GPC6: variants seen among roughly 807,000 people sequenced by gnomAD.
GPC6 encodes glypican 6, also known as glypican-6.
In GPC6, 14 loss-of-function variants were observed where a neutral mutation model predicts 55.2. That is an observed-to-expected ratio of 0.25 (90% confidence interval 0.17 to 0.40). The LOEUF (loss-of-function observed/expected upper bound fraction) is 0.40. Among genes scored for constraint, GPC6 ranks in the 10% least tolerant of loss-of-function variants. The probability of loss-of-function intolerance (pLI) is 1.00; values close to 1 mark genes in which losing one functional copy is unlikely to be tolerated. For missense variants in GPC6, 641 were observed against 708.5 expected, an observed-to-expected ratio of 0.90 and a Z score of 1.08; for synonymous variants, 278 against 259.6, an observed-to-expected ratio of 1.07 and a Z score of -0.68.
At chr13:93,363,231 C>G (rs572173988) in intron 1 of GPC6, among the ~76,000 whole-genome samples, 1 of 151,212 alleles carries the variant, frequency 6.6e-6, no homozygotes, top group African/African-American at 2.4e-5. Context: ...TGTGCTGCAC[C>G]CACTAACTCA....
chr13:93,774,900 G>A (rs1408855783), intron 2 of GPC6, among the ~76,000 whole-genome samples: 1 of 152,142 alleles, frequency 6.6e-6, no homozygotes, highest in Non-Finnish European at 1.5e-5. Flanking sequence ...CTTCAGGAAA[G>A]TCTTCTTTTA....
chr13:93,356,184 G>A (rs546364814), intron 1 of GPC6, among the ~76,000 whole-genome samples: 3 of 152,238 alleles, frequency 2.0e-5, no homozygotes, highest in East Asian at 1.9e-4. Flanking sequence ...GATAATAAAC[G>A]GAGCTGGATG....
At chr13:94,014,312 G>A (rs185415946) in intron 3 of GPC6, among the ~76,000 whole-genome samples, 52 of 152,264 alleles carry the variant, frequency 3.4e-4, no homozygotes, top group African/African-American at 1.2e-3. Flanking sequence ...GGTCATGCAC[G>A]TCAAGCTAAT....
intron 4 of GPC6, among the ~76,000 whole-genome samples, chr13:94,267,158 CA>C (rs1891844387): frequency 6.6e-6 from 1 of 151,974 alleles, no homozygotes; most frequent in Admixed American, 6.6e-5. Context: ...GTGTATGGGC[CA>C]GGGGTGCAGC....
At chr13:93,478,808 A>G (rs1879394637) in intron 1 of GPC6, among the ~76,000 whole-genome samples, 1 of 152,206 alleles carries the variant, frequency 6.6e-6, no homozygotes, top group Non-Finnish European at 1.5e-5. Flanking sequence ...TACCAAAACT[A>G]CACACCCAAC....
chr13:94,169,350 A>G (rs1030492932), intron 4 of GPC6, among the ~76,000 whole-genome samples: 2 of 152,214 alleles, frequency 1.3e-5, no homozygotes, highest in Non-Finnish European at 2.9e-5. Flanking sequence ...AGGATTTTAA[A>G]TACTTTAAAG....
intron 1 of GPC6, among the ~76,000 whole-genome samples, chr13:93,399,982 T>G (rs1311084859): frequency 6.6e-6 from 1 of 152,218 alleles, no homozygotes; most frequent in Non-Finnish European, 1.5e-5. Flanking sequence ...GGGAGTCTTA[T>G]GTATATAAAA....
intron 2 of GPC6, among the ~76,000 whole-genome samples, chr13:93,764,339 A>G (rs1366986448): frequency 1.3e-5 from 2 of 152,028 alleles, no homozygotes; most frequent in Non-Finnish European, 2.9e-5. Flanking sequence ...GTTATATTTG[A>G]CCTTGCCATT....
At chr13:94,227,756 C>T (rs890510440) in intron 4 of GPC6, among the ~76,000 whole-genome samples, 4 of 152,130 alleles carry the variant, frequency 2.6e-5, no homozygotes, top group Non-Finnish European at 5.9e-5. Flanking sequence ...TCCATCCATG[C>T]TGGCTTTTGC....
intron 1 of GPC6, among the ~76,000 whole-genome samples, chr13:93,278,323 T>C (rs964986164): frequency 6.6e-6 from 1 of 152,202 alleles, no homozygotes; most frequent in Non-Finnish European, 1.5e-5. Context: ...CATTTTTAAG[T>C]GTACAGTTCG....
chr13:93,480,282 A>G (rs541989204), intron 1 of GPC6, among the ~76,000 whole-genome samples: 1 of 152,314 alleles, frequency 6.6e-6, no homozygotes, highest in African/African-American at 2.4e-5. Context: ...TGATTCCTTT[A>G]CTTACATTTC....
chr13:94,373,175 A>G (rs917592628), intron 6 of GPC6, among the ~76,000 whole-genome samples: 1 of 152,190 alleles, frequency 6.6e-6, no homozygotes, highest in Non-Finnish European at 1.5e-5. Context: ...CTCCAAAGGA[A>G]CGCAGTTCCT....
At chr13:93,645,576 C>T (rs1414494872) in intron 2 of GPC6, among the ~76,000 whole-genome samples, 2 of 152,136 alleles carry the variant, frequency 1.3e-5, no homozygotes, top group African/African-American at 2.4e-5. Flanking sequence ...AACTGTTCCT[C>T]GTACGTTTGA....
chr13:93,935,250 C>A (rs1878374807), intron 3 of GPC6, among the ~76,000 whole-genome samples: 1 of 152,128 alleles, frequency 6.6e-6, no homozygotes, highest in African/African-American at 2.4e-5. Flanking sequence ...AATTTTTCAA[C>A]CCTTGGCCCC....
upstream of GPC6, among the ~76,000 whole-genome samples, chr13:93,223,831 A>G (rs960869939): frequency 6.6e-6 from 1 of 150,542 alleles, no homozygotes; most frequent in Admixed American, 6.6e-5. Flanking sequence ...CTCAGAATCT[A>G]TCTACATCTT....
chr13:93,897,255 A>G (rs1002347192), intron 3 of GPC6, among the ~76,000 whole-genome samples: 2 of 152,028 alleles, frequency 1.3e-5, no homozygotes, highest in African/African-American at 4.8e-5. Context: ...GGTACCCAAT[A>G]GATCAGTAAG....
chr13:93,217,094 T>G, the GPC6 span, among the ~76,000 whole-genome samples: 15 of 152,352 alleles, frequency 9.8e-5, no homozygotes, highest in African/African-American at 3.4e-4. Flanking sequence ...AGACTTCTAA[T>G]GAATATTTCA....
At chr13:93,653,856 TA>T (rs1469732982) in intron 2 of GPC6, among the ~76,000 whole-genome samples, 1 of 152,134 alleles carries the variant, frequency 6.6e-6, no homozygotes, top group Admixed American at 6.6e-5. Flanking sequence ...AAGAAATTCA[TA>T]AAAATAAGGC....
intron 4 of GPC6, among the ~76,000 whole-genome samples, chr13:94,117,675 GT>G (rs1455883754): frequency 4.6e-5 from 7 of 152,102 alleles, no homozygotes; most frequent in African/African-American, 1.7e-4. Flanking sequence ...AACAAAGTAA[GT>G]GGTAGAGAAA....
Sources: allele counts gnomAD v4.1 joint callset (sites outside exome capture counted in the v4.1 genomes callset), GRCh38; gene constraint gnomAD v4.1.1; transcripts MANE v1.5; gene names NCBI Gene and HGNC (gene_info 2026-07-23, HGNC 2026-07-21).